ADGRG5: variants seen among roughly 807,000 people sequenced by gnomAD.
The protein encoded by ADGRG5 is adhesion G protein-coupled receptor G5, also known as G protein-coupled receptor 114.
A neutral mutation model predicts 53.2 loss-of-function variants in ADGRG5; 37 were observed. The ratio of observed to expected loss-of-function variants is 0.70; its 90% CI spans 0.53 to 0.91. The LOEUF (loss-of-function observed/expected upper bound fraction) is 0.91, where lower values mean the gene tolerates loss of function less well. Ranked by LOEUF, ADGRG5 falls within the 40% of genes least tolerant of loss-of-function variation. ADGRG5 has a pLI of 0.00. For synonymous variants in ADGRG5, 277 were observed against 290.4 expected (o/e 0.95, Z 0.47); for missense variants, 614 against 675.8 (o/e 0.91, Z 1.01).
At chr16:57,560,362 G>C (rs2032972834) in intron 1 of ADGRG5, among the ~76,000 whole-genome samples, 1 of 152,242 alleles carries the variant, frequency 6.6e-6, no homozygotes, top group Non-Finnish European at 1.5e-5. Flanking sequence ...ATCCTTGGTT[G>C]ACCATTCAAG....
At chr16:57,555,055 T>A (rs2146775740) in intron 1 of ADGRG5, among the ~76,000 whole-genome samples, 1 of 152,346 alleles carries the variant, frequency 6.6e-6, no homozygotes, top group African/African-American at 2.4e-5. Context: ...TTTAATCCTT[T>A]TATATTTATT....
chr16:57,559,102 G>A lies in ADGRG5; in HGVS notation c.-38-2954G>A, dbSNP rs147035205. Among the ~76,000 whole-genome samples the A allele has an allele frequency of 2.7e-3, 409 of 151,314 alleles. 1 individual carries two copies. The highest frequency in any genetic ancestry group is 9.0e-3 in the African/African-American group (370 of 41,162). ...TAGGCTCAAGCAATTTGCCTACCTCGGCCACCCAAAGTGTTGGGATTACAG... is the reference window on the plus strand; with the variant it reads ...TAGGCTCAAGCAATTTGCCTACCTCAGCCACCCAAAGTGTTGGGATTACAG... On this transcript the variant is annotated intron_variant, in intron 1 of 11. Coordinates refer to ENST00000349457, the MANE Select transcript of ADGRG5 (RefSeq NM_001304376.3).
At chr16:57,529,328 C>T in the ADGRG5 span, 2 of 1,066,168 alleles carry the variant, frequency 1.9e-6, no homozygotes, top group East Asian at 4.9e-5. This position sits in a 1 kb window ranked among gnomAD's most constrained non-coding sequence, Gnocchi z 4.1. Flanking sequence ...CTCGGACCTA[C>T]GGGAGAACAC....
chr16:57,537,960 T>TC (rs2032430065), upstream of ADGRG5, among the ~76,000 whole-genome samples: 1 of 152,184 alleles, frequency 6.6e-6, no homozygotes, highest in African/African-American at 2.4e-5. Context: ...TGGCTCAGAC[T>TC]TGCACAAGGT....
intron 10 of ADGRG5, among the ~76,000 whole-genome samples, chr16:57,573,966 C>G (rs1478569070): frequency 6.6e-6 from 1 of 152,186 alleles, no homozygotes; most frequent in East Asian, 1.9e-4. Context: ...AAGTGATTCG[C>G]CCACCTCGGC....
chr16:57,540,904 C>T (rs1307862708), upstream of ADGRG5, among the ~76,000 whole-genome samples: 1 of 152,154 alleles, frequency 6.6e-6, no homozygotes, highest in African/African-American at 2.4e-5. Flanking sequence ...GATTCTTGTG[C>T]CTCAGTCTCC....
intron 2 of ADGRG5, 21 bp downstream of exon 2, chr16:57,562,178 T>G: frequency 6.3e-7 from 1 of 1,586,358 alleles, no homozygotes; most frequent in Non-Finnish European, 8.6e-7. Flanking sequence ...TCTGCTGAAC[T>G]GGGGGCAGCC....
At chr16:57,529,211 C>G in the ADGRG5 span, 1 of 1,157,854 alleles carries the variant, frequency 8.6e-7, no homozygotes. The surrounding 1 kb of genome is among the most constrained non-coding windows in gnomAD (Gnocchi z 4.1). Flanking sequence ...CTCGAACTCG[C>G]GGTCGGGCTC....
At chr16:57,571,244 CTTGGG>C (rs1170301727) in intron 10 of ADGRG5, among the ~76,000 whole-genome samples, 1 of 152,142 alleles carries the variant, frequency 6.6e-6, no homozygotes, top group African/African-American at 2.4e-5. Flanking sequence ...TGTGGCAGGC[CTTGGG>C]TATCAGCTGG....
intron 1 of ADGRG5, among the ~76,000 whole-genome samples, chr16:57,560,272 A>G (rs2032970950): frequency 6.6e-6 from 1 of 152,156 alleles, no homozygotes; most frequent in Non-Finnish European, 1.5e-5. Flanking sequence ...GTCTTCCTTC[A>G]TGATATACTT....
intron 3 of ADGRG5, 151 bp from the exon 4 acceptor site, chr16:57,562,940 G>A (rs2033037979): frequency 2.9e-6 from 2 of 695,092 alleles, no homozygotes; most frequent in East Asian, 5.4e-5. Flanking sequence ...AGGTAACAGT[G>A]TGCCAAGGAC....
chr16:57,548,719 C>A (rs1245938037), intron 1 of ADGRG5, among the ~76,000 whole-genome samples: 1 of 108,038 alleles, frequency 9.3e-6, no homozygotes, highest in African/African-American at 3.5e-5. Flanking sequence ...TTGAGATTGG[C>A]TTTTTTTTTT....
At chr16:57,566,351 C>T (rs1228404775) in intron 6 of ADGRG5, 2 of 384,206 alleles carry the variant, frequency 5.2e-6, no homozygotes, top group Non-Finnish European at 9.2e-6. Flanking sequence ...AACATGGGTA[C>T]GAATGATCCT....
chr16:57,562,533 T>C (rs1414277389), intron 3 of ADGRG5, 74 bp downstream of exon 3: 1 of 964,294 alleles, frequency 1.0e-6, no homozygotes, highest in African/African-American at 1.7e-5. Context: ...ATGTAGACTC[T>C]TAACTGTGCA....
intron 3 of ADGRG5, 78 bp from the exon 4 acceptor site, chr16:57,563,013 C>A: frequency 6.7e-7 from 1 of 1,501,414 alleles, no homozygotes; most frequent in Non-Finnish European, 9.2e-7. Context: ...GCCCTGCCCT[C>A]CCAGGCTGTC....
intron 9 of ADGRG5, 26 bp from the exon 10 acceptor site, chr16:57,570,392 T>A: frequency 6.6e-7 from 1 of 1,509,046 alleles, no homozygotes; most frequent in South Asian, 1.1e-5. Context: ...CTCCCACATC[T>A]CCTGAGCCTT....
At position 57,570,417 on chromosome 16, in the gene ADGRG5, G is replaced by A. The variant is rs1726632917; in HGVS notation, c.1091-1G>A. On this transcript the variant is annotated splice_acceptor_variant, in intron 9 of 11. Transcript: ENST00000349457. LOFTEE classifies it high-confidence loss of function. ...TCCTGAGCCTTTGTCCCACCCCTCA[G>A]GGGCCCCAGCCCTCCTGGTGCTGCT... 6.2e-7 allele frequency: 1 copy of A among 1,610,312 alleles called. No homozygotes were observed. Among genetic ancestry groups the A allele is most frequent in the African/African-American group, 1.3e-5 (1 of 74,876 alleles).
At chr16:57,537,151 G>A in the ADGRG5 span, among the ~76,000 whole-genome samples, 1 of 152,186 alleles carries the variant, frequency 6.6e-6, no homozygotes, top group Non-Finnish European at 1.5e-5. Flanking sequence ...TGCGATGGTG[G>A]TTGGCAGGCC....
chr16:57,532,347 A>T, the ADGRG5 span, among the ~76,000 whole-genome samples: 2 of 152,142 alleles, frequency 1.3e-5, no homozygotes, highest in Non-Finnish European at 2.9e-5. Flanking sequence ...ACACAGCCAT[A>T]CAGATCCAGG....
Sources: allele counts gnomAD v4.1 joint callset (sites outside exome capture counted in the v4.1 genomes callset), GRCh38; gene constraint gnomAD v4.1.1; non-coding constraint Gnocchi (gnomAD v3.1); transcripts MANE v1.5; gene names NCBI Gene and HGNC (gene_info 2026-07-23, HGNC 2026-07-21).